The following WDHD1 variants were observed in gnomAD, a reference collection of about 807,000 sequenced individuals.
WDHD1 encodes the protein WD repeat and HMG-box DNA-binding protein 1.
In WDHD1, 111 loss-of-function variants were observed where a neutral mutation model predicts 135.4. That is an observed-to-expected ratio of 0.82 (90% CI 0.70 to 0.96). The LOEUF (loss-of-function observed/expected upper bound fraction) is 0.96, where lower values mean the gene tolerates loss of function less well. WDHD1 is among the 40% of genes least tolerant of loss of function. WDHD1 has a pLI of 0.00. For synonymous variants in WDHD1, 434 were observed against 439.0 expected (o/e 0.99, Z 0.14); for missense variants, 1,351 against 1,336.3 (o/e 1.01, Z -0.17).
chr14:55,026,751 T>C lies in WDHD1; in HGVS notation c.37A>G (p.Thr13Ala). ...AAACAGACCTCCGTGTGTCCCTCTG[T>C]ATGCCCATATCTCATTGGCTTCCGT... ...ATRKPMRYGH[T>A]EGHTEVCFDD... is the part of the protein sequence containing the mutation. The change falls in exon 2 of 26, where the codon ACA becomes GCA. Residue 13 changes from threonine to alanine, a missense_variant. Around this residue, in one of 2 missense-constraint regions of WDHD1, gnomAD observed 21 missense variants for 40.2 expected, o/e 0.52. Coordinates refer to ENST00000360586, the MANE Select transcript of WDHD1 (RefSeq NM_007086.4). 1 of 1,614,240 alleles carries C rather than the reference T, an allele frequency of 6.2e-7. No homozygotes were observed.
intron 11 of WDHD1, among the ~76,000 whole-genome samples, chr14:54,991,945 T>C (rs961731139): frequency 9.9e-5 from 15 of 152,212 alleles, no homozygotes; most frequent in African/African-American, 3.6e-4. Context: ...GCAGAATTTG[T>C]TGCCAATGAT....
chr14:54,959,258 C>T (rs1472155537), intron 21 of WDHD1, among the ~76,000 whole-genome samples: 2 of 151,908 alleles, frequency 1.3e-5, no homozygotes, highest in Non-Finnish European at 2.9e-5. Context: ...ACTAGCCAGA[C>T]ATGGTGACAC....
At chr14:54,983,057 G>C (rs1187886) in intron 15 of WDHD1, among the ~76,000 whole-genome samples, 17,154 of 152,038 alleles carry the variant, frequency 0.11, 1,379 homozygotes, top group Non-Finnish European at 0.18. Flanking sequence ...CCAGATACTC[G>C]GGAGGCTGAG....
At chr14:55,019,760 T>C (rs555691063) in intron 2 of WDHD1, among the ~76,000 whole-genome samples, 1 of 152,236 alleles carries the variant, frequency 6.6e-6, no homozygotes, top group East Asian at 1.9e-4. Context: ...TCCCAGCTAC[T>C]TGGGAGGCTG....
intron 21 of WDHD1, among the ~76,000 whole-genome samples, chr14:54,961,107 T>C (rs1042272547): frequency 1.3e-5 from 2 of 152,128 alleles, no homozygotes; most frequent in Non-Finnish European, 2.9e-5. Context: ...ACCTGGCCAG[T>C]AGTCTATTAT....
chr14:54,956,483 C>T (rs574408303), intron 23 of WDHD1, among the ~76,000 whole-genome samples: 1 of 151,860 alleles, frequency 6.6e-6, no homozygotes, highest in Non-Finnish European at 1.5e-5. Flanking sequence ...ACTAAAAATA[C>T]CAAAATTAGC....
chr14:54,999,307 A>T (rs2041941300), intron 10 of WDHD1, among the ~76,000 whole-genome samples: 2 of 152,168 alleles, frequency 1.3e-5, no homozygotes. Context: ...ATCTTTTCTA[A>T]AAAAACAAAT....
At chr14:55,012,570 A>G (rs1225626432) in intron 3 of WDHD1, among the ~76,000 whole-genome samples, 1 of 152,212 alleles carries the variant, frequency 6.6e-6, no homozygotes, top group Non-Finnish European at 1.5e-5. Context: ...TAGGTGTTTT[A>G]GTCTGTTCTG....
At chr14:55,018,297 C>A (rs756950873) in intron 2 of WDHD1, among the ~76,000 whole-genome samples, 10 of 152,070 alleles carry the variant, frequency 6.6e-5, no homozygotes, top group Non-Finnish European at 1.3e-4. Flanking sequence ...AAAACTTATG[C>A]ACAGGAAGAC....
At chr14:54,997,448 G>A (rs1020540656) in intron 10 of WDHD1, among the ~76,000 whole-genome samples, 1 of 152,076 alleles carries the variant, frequency 6.6e-6, no homozygotes, top group Non-Finnish European at 1.5e-5. Flanking sequence ...GAAAACTGAT[G>A]TTTAATAAAA....
At chr14:54,966,910 T>C (rs1294725375) in intron 17 of WDHD1, among the ~76,000 whole-genome samples, 1 of 152,252 alleles carries the variant, frequency 6.6e-6, no homozygotes, top group Non-Finnish European at 1.5e-5. Context: ...TTAGAATAAC[T>C]AACTGCAAGA....
chr14:54,996,317 C>G lies in WDHD1; in HGVS notation c.943-504G>C, dbSNP rs923381789. Among the ~76,000 whole-genome samples, 3 of 152,210 alleles carry G rather than the reference C, an allele frequency of 2.0e-5. No individual in the cohort carries two copies. The East Asian group carries it at 5.8e-4, about 29-fold the overall frequency. ...GAAAAACAAAGAAGGCAAAGAAATTCTACATAAAGCCCCAGCATGGTGGCT... is the reference window on the plus strand; with the variant it reads ...GAAAAACAAAGAAGGCAAAGAAATTGTACATAAAGCCCCAGCATGGTGGCT... On this transcript the variant is annotated intron_variant, in intron 10 of 25. Transcript: ENST00000360586.
chr14:54,941,618 C>T lies in WDHD1; in HGVS notation c.3262G>A (p.Asp1088Asn), dbSNP rs2140142365. 6.2e-7 allele frequency: 1 copy of T among 1,614,022 alleles called. No individual in the cohort carries two copies. The highest frequency in any genetic ancestry group is 8.5e-7 in the Non-Finnish European group (1 of 1,179,940). Residue 1088 changes from aspartate (D) to asparagine (N), a missense_variant, in exon 26 of 26, where the codon GAT becomes AAT. Physicochemically the swap from Asp to Asn is conservative, Grantham distance 23. This residue lies in a region of WDHD1 where 1,330 missense variants were observed against 1,296.1 expected (regional missense o/e 1.03). Coordinates refer to ENST00000360586, the MANE Select transcript of WDHD1 (RefSeq NM_007086.4). ...TEAKKRKRVV[D>N]ESDETENQEE... Reference sequence around the variant, plus strand: ...TGGTTTTCTGTTTCATCACTTTCATCAACCACACGTTTTCGCTTCTTTGCT... The same window carrying T: ...TGGTTTTCTGTTTCATCACTTTCATTAACCACACGTTTTCGCTTCTTTGCT...
intron 16 of WDHD1, among the ~76,000 whole-genome samples, chr14:54,979,702 C>A (rs1344551789): frequency 6.6e-6 from 1 of 152,178 alleles, no homozygotes; most frequent in African/African-American, 2.4e-5. Context: ...TTCAAAGTTA[C>A]ATGCTCAATT....
chr14:54,957,300 T>A, intron 22 of WDHD1, 96 bp from the exon 23 acceptor site: 1 of 1,325,216 alleles, frequency 7.5e-7, no homozygotes, highest in Non-Finnish European at 1.0e-6. Flanking sequence ...TAAGTTTGTA[T>A]TGCCATCTCA....
chr14:54,952,154 G>C (rs535090687), intron 24 of WDHD1, among the ~76,000 whole-genome samples: 202 of 152,240 alleles, frequency 1.3e-3, no homozygotes, highest in African/African-American at 4.5e-3. Flanking sequence ...CAATCAGGCA[G>C]GAGAAAGAAA....
chr14:54,992,084 C>A (rs1160891857), intron 11 of WDHD1, among the ~76,000 whole-genome samples: 1 of 151,942 alleles, frequency 6.6e-6, no homozygotes, highest in African/African-American at 2.4e-5. Context: ...ATGGTGAAAC[C>A]CTGTCTCTAC....
intron 4 of WDHD1, among the ~76,000 whole-genome samples, chr14:55,009,038 G>A (rs534864255): frequency 1.3e-5 from 2 of 152,026 alleles, no homozygotes; most frequent in South Asian, 2.1e-4. Flanking sequence ...CTTGTGATCC[G>A]CCCACCTCAG....
At chr14:54,964,712 G>A (rs182512361) in intron 18 of WDHD1, among the ~76,000 whole-genome samples, 33 of 152,050 alleles carry the variant, frequency 2.2e-4, no homozygotes, top group Admixed American at 8.5e-4. Flanking sequence ...GCATTTGCCC[G>A]GGGGTCAGGA....
Sources: allele counts gnomAD v4.1 joint callset (sites outside exome capture counted in the v4.1 genomes callset), GRCh38; gene constraint gnomAD v4.1.1; regional missense constraint gnomAD v4.1.1; transcripts MANE v1.5; gene names NCBI Gene and HGNC (gene_info 2026-07-23, HGNC 2026-07-21).